The following STPG2 variants were observed in gnomAD, a reference collection of about 807,000 sequenced individuals.
STPG2 encodes sperm-tail PG-rich repeat-containing protein 2.
Under a neutral mutation model 54.2 loss-of-function variants are expected in STPG2, and 56 were observed. That is an observed-to-expected ratio of 1.03 (90% CI 0.83 to 1.29). The LOEUF (loss-of-function observed/expected upper bound fraction) is 1.29. Among genes scored for constraint, STPG2 ranks in the 50% most tolerant of loss-of-function variants. The pLI is 0.00. For synonymous variants in STPG2, 200 were observed against 181.8 expected, an observed-to-expected ratio of 1.10 and a Z score of -0.81; for missense variants, 596 against 544.9, an observed-to-expected ratio of 1.09 and a Z score of -0.93.
At chr4:97,872,001 T>A (rs942428837) in intron 8 of STPG2, among the ~76,000 whole-genome samples, 1 of 151,142 alleles carries the variant, frequency 6.6e-6, no homozygotes, top group South Asian at 2.1e-4. Flanking sequence ...ATGAAATTGA[T>A]CATAATACAC....
intron 10 of STPG2, among the ~76,000 whole-genome samples, chr4:97,604,083 G>A (rs994234030): frequency 1.3e-5 from 2 of 151,564 alleles, no homozygotes; most frequent in South Asian, 2.1e-4. Flanking sequence ...TAGTTGAAAA[G>A]ACTTAGTCAT....
At chr4:97,738,174 T>A (rs36147305) in intron 9 of STPG2, among the ~76,000 whole-genome samples, 36,698 of 152,016 alleles carry the variant, frequency 0.24, 5,165 homozygotes, top group Middle Eastern at 0.35. Context: ...GAGATTTTGT[T>A]ACCACCAGGC....
chr4:97,972,527 T>G (rs994515364), intron 6 of STPG2, 87 bp from the exon 7 acceptor site: 1 of 780,430 alleles, frequency 1.3e-6, no homozygotes, highest in Admixed American at 3.7e-5. Context: ...TAAGGGTTTT[T>G]TTCTAAATAA....
chr4:97,726,535 G>A (rs753245684), intron 9 of STPG2, among the ~76,000 whole-genome samples: 19 of 151,872 alleles, frequency 1.3e-4, no homozygotes, highest in Non-Finnish European at 2.5e-4. Context: ...ATTAAAAAGT[G>A]ACAAAATTTA....
At chr4:97,626,028 A>T (rs1560691349) in intron 10 of STPG2, among the ~76,000 whole-genome samples, 2 of 152,190 alleles carry the variant, frequency 1.3e-5, no homozygotes, top group Non-Finnish European at 2.9e-5. Context: ...AAAAGTTAAC[A>T]TTTACTTACA....
chr4:97,904,671 G>A (rs1037345069), intron 8 of STPG2, among the ~76,000 whole-genome samples: 1 of 152,166 alleles, frequency 6.6e-6, no homozygotes, highest in Non-Finnish European at 1.5e-5. Context: ...GCTATGGGAG[G>A]ACATTCAAAC....
intron 3 of STPG2, among the ~76,000 whole-genome samples, chr4:98,127,964 G>T (rs1212962198): frequency 6.6e-6 from 1 of 152,016 alleles, no homozygotes; most frequent in Non-Finnish European, 1.5e-5. Flanking sequence ...ATACACTGTG[G>T]CAGAGACTCC....
chr4:98,028,084 T>C (rs1281889655), intron 5 of STPG2, among the ~76,000 whole-genome samples: 1 of 152,146 alleles, frequency 6.6e-6, no homozygotes, highest in Non-Finnish European at 1.5e-5. Flanking sequence ...ACACCTGATT[T>C]CTTCAAAGAG....
At chr4:97,977,627 G>A (rs76837413) in intron 6 of STPG2, among the ~76,000 whole-genome samples, 1 of 152,172 alleles carries the variant, frequency 6.6e-6, no homozygotes, top group Non-Finnish European at 1.5e-5. Flanking sequence ...AATCTGTAAA[G>A]CAAATGGTTT....
intron 10 of STPG2, among the ~76,000 whole-genome samples, chr4:97,684,414 C>T (rs1016990279): frequency 6.6e-6 from 1 of 151,742 alleles, no homozygotes; most frequent in Non-Finnish European, 1.5e-5. Flanking sequence ...AATAGGGAGC[C>T]CAGAAATAGA....
At chr4:97,455,605 G>T (rs1258794523) in intron 4 of STPG2, among the ~76,000 whole-genome samples, 1 of 152,146 alleles carries the variant, frequency 6.6e-6, no homozygotes, top group Admixed American at 6.5e-5. Flanking sequence ...TCTCCCATCT[G>T]CTGAGAACTA....
chr4:97,598,549 T>C (rs1733364334), intron 10 of STPG2, among the ~76,000 whole-genome samples: 1 of 140,846 alleles, frequency 7.1e-6, no homozygotes, highest in African/African-American at 2.9e-5. Flanking sequence ...AACAGCATGG[T>C]ACTGGTAAAA....
intron 5 of STPG2, among the ~76,000 whole-genome samples, chr4:98,032,778 G>C (rs1282956914): frequency 3.3e-5 from 5 of 152,112 alleles, no homozygotes; most frequent in Non-Finnish European, 5.9e-5. Flanking sequence ...TAGAACCTAG[G>C]ATTAAGAAAC....
chr4:97,457,081 A>G (rs1277749457), intron 4 of STPG2, among the ~76,000 whole-genome samples: 5 of 152,302 alleles, frequency 3.3e-5, no homozygotes, highest in South Asian at 2.1e-4. Context: ...CGAATGATCA[A>G]AAAGCAAAAC....
intron 9 of STPG2, among the ~76,000 whole-genome samples, chr4:97,797,004 A>C (rs1163964139): frequency 6.6e-6 from 1 of 152,146 alleles, no homozygotes; most frequent in East Asian, 1.9e-4. Flanking sequence ...TTATTGGTGT[A>C]TAAGAATGCT....
chr4:97,700,174 C>T (rs1723724171), intron 10 of STPG2, among the ~76,000 whole-genome samples: 1 of 152,130 alleles, frequency 6.6e-6, no homozygotes, highest in South Asian at 2.1e-4. Flanking sequence ...TGGGGGACTG[C>T]CAAAGGCTCC....
intron 3 of STPG2, among the ~76,000 whole-genome samples, chr4:98,118,867 A>C (rs1040242548): frequency 3.3e-5 from 5 of 152,352 alleles, no homozygotes; most frequent in African/African-American, 1.2e-4. Flanking sequence ...CTAATGCCTC[A>C]AAATAAACAA....
rs1200731733 is a variant in STPG2 at position 97,742,559 on chromosome 4, GTGTGTGTC to G, written c.1205-29753_1205-29746del. ...TGTGTGTGTGTGTGTGTGTGTGTGT[GTGTGTGTC>G]TATATATATATGGAATACTATCAGG... On this transcript the variant is annotated intron_variant, in intron 9 of 10. Transcript: ENST00000295268. Among the ~76,000 whole-genome samples, 906 of 132,660 alleles carry G rather than the reference GTGTGTGTC, an allele frequency of 6.8e-3. 14 individuals carry two copies. The highest frequency in any genetic ancestry group is 9.9e-3 in the African/African-American group (316 of 31,940). The allele number at this position is 132,660 out of a possible 152,430, so 87.0% of individuals were successfully genotyped here.
intron 7 of STPG2, among the ~76,000 whole-genome samples, chr4:97,958,076 A>AC (rs1553928945): frequency 6.6e-6 from 1 of 152,124 alleles, no homozygotes; most frequent in Non-Finnish European, 1.5e-5. Context: ...TGGGAGGCAG[A>AC]GGGGGGACAG....
Sources: allele counts gnomAD v4.1 joint callset (sites outside exome capture counted in the v4.1 genomes callset), GRCh38; gene constraint gnomAD v4.1.1; transcripts MANE v1.5; gene names NCBI Gene and HGNC (gene_info 2026-07-23, HGNC 2026-07-21).